Variants in MAF observed in about 807,000 individuals in gnomAD.
MAF encodes transcription factor Maf.
Under a neutral mutation model 22.0 loss-of-function variants are expected in MAF, and 10 were observed. That is an observed-to-expected ratio of 0.45 (90% CI 0.28 to 0.77). The LOEUF (loss-of-function observed/expected upper bound fraction) is 0.77, where lower values mean the gene tolerates loss of function less well. Ranked by LOEUF, MAF falls within the 30% of genes least tolerant of loss-of-function variation. The pLI, the probability that MAF is intolerant of heterozygous loss-of-function variation, is 0.12. For synonymous variants in MAF, 337 were observed against 255.8 expected (o/e 1.32, Z -3.03); for missense variants, 544 against 548.4 (o/e 0.99, Z 0.08).
the MAF span, among the ~76,000 whole-genome samples, chr16:79,297,072 G>A: frequency 9.9e-5 from 15 of 152,270 alleles, no homozygotes; most frequent in Admixed American, 6.5e-4. Context: ...TAATACAGTC[G>A]CTTCTTACTC....
At chr16:79,400,521 G>A in the MAF span, among the ~76,000 whole-genome samples, 2 of 152,190 alleles carry the variant, frequency 1.3e-5, no homozygotes, top group African/African-American at 4.8e-5. Context: ...ATACTTCTGG[G>A]GAGCTCTTTG....
chr16:79,419,020 C>A, the MAF span, among the ~76,000 whole-genome samples: 1 of 152,322 alleles, frequency 6.6e-6, no homozygotes, highest in East Asian at 1.9e-4. Flanking sequence ...TGCTATATCA[C>A]AGACATTTAT....
the MAF span, among the ~76,000 whole-genome samples, chr16:79,545,555 CG>C: frequency 6.6e-6 from 1 of 151,782 alleles, no homozygotes; most frequent in Non-Finnish European, 1.5e-5. Flanking sequence ...AATAGAAAAT[CG>C]TGGACATTAC....
the MAF span, among the ~76,000 whole-genome samples, chr16:79,503,193 C>G: frequency 6.6e-6 from 1 of 152,072 alleles, no homozygotes; most frequent in Non-Finnish European, 1.5e-5. Flanking sequence ...TTAAGTTTGT[C>G]CTTTGTTTCT....
chr16:79,359,517 C>G, the MAF span, among the ~76,000 whole-genome samples: 25 of 152,192 alleles, frequency 1.6e-4, no homozygotes, highest in Admixed American at 1.6e-3. Flanking sequence ...TGTGCTCTAT[C>G]AAGACATGCC....
At chr16:79,271,968 G>C in the MAF span, among the ~76,000 whole-genome samples, 1 of 152,322 alleles carries the variant, frequency 6.6e-6, no homozygotes, top group Admixed American at 6.5e-5. Flanking sequence ...GGATCCAAGA[G>C]GGATTTTTCT....
chr16:79,229,784 T>G, the MAF span, among the ~76,000 whole-genome samples: 16,051 of 152,006 alleles, frequency 0.11, 942 homozygotes, highest in Middle Eastern at 0.17. Flanking sequence ...CACTTCGAAG[T>G]GAAAGATGCG....
the MAF span, among the ~76,000 whole-genome samples, chr16:79,301,233 C>T: frequency 5.0e-4 from 76 of 152,184 alleles, no homozygotes; most frequent in Non-Finnish European, 8.8e-4. Flanking sequence ...CTGGGGAGGA[C>T]GGGACAGGGG....
the MAF span, among the ~76,000 whole-genome samples, chr16:79,236,959 A>AC: frequency 8.0e-5 from 12 of 149,774 alleles, no homozygotes; most frequent in African/African-American, 2.9e-4. Context: ...AAAAAAAAAA[A>AC]CTCAAATCCA....
chr16:79,554,852 T>C, the MAF span, among the ~76,000 whole-genome samples: 56,201 of 152,002 alleles, frequency 0.37, 10,673 homozygotes, highest in Admixed American at 0.45. Context: ...GGAAACTGAT[T>C]CTGCGTGATT....
the MAF span, among the ~76,000 whole-genome samples, chr16:79,214,020 C>G: frequency 8.4e-4 from 128 of 152,216 alleles, 1 homozygote; most frequent in Non-Finnish European, 1.7e-3. Flanking sequence ...ACTCCCAACT[C>G]AAGGGGTGCA....
At chr16:79,588,593 C>G (rs1719102715) in intron 1 of MAF, among the ~76,000 whole-genome samples, 1 of 151,998 alleles carries the variant, frequency 6.6e-6, no homozygotes. Flanking sequence ...TCCTGAGTAG[C>G]TGGGATTACA....
the MAF span, among the ~76,000 whole-genome samples, chr16:79,445,191 A>G: frequency 7.2e-6 from 1 of 138,502 alleles, no homozygotes; most frequent in East Asian, 2.2e-4. Flanking sequence ...CTGCCACCAT[A>G]CCCGTCTAAT....
chr16:79,452,964 G>C, the MAF span, among the ~76,000 whole-genome samples: 1 of 152,210 alleles, frequency 6.6e-6, no homozygotes, highest in African/African-American at 2.4e-5. Flanking sequence ...TTAAGCCTTT[G>C]CGATGTGGAG....
chr16:79,462,559 A>G, the MAF span, among the ~76,000 whole-genome samples: 1 of 152,164 alleles, frequency 6.6e-6, no homozygotes, highest in African/African-American at 2.4e-5. Flanking sequence ...ATATATGCAC[A>G]TATACATGTG....
the MAF span, among the ~76,000 whole-genome samples, chr16:79,478,143 C>G: frequency 1.3e-5 from 2 of 152,166 alleles, no homozygotes; most frequent in Non-Finnish European, 2.9e-5. Context: ...TAGTGAAACT[C>G]AAATGTCAAA....
chr16:79,378,395 T>C, the MAF span, among the ~76,000 whole-genome samples: 1 of 152,212 alleles, frequency 6.6e-6, no homozygotes, highest in Admixed American at 6.5e-5. Context: ...TATTCTATTA[T>C]TATAAAAATT....
the MAF span, among the ~76,000 whole-genome samples, chr16:79,533,765 C>T: frequency 6.6e-6 from 1 of 152,158 alleles, no homozygotes; most frequent in African/African-American, 2.4e-5. Context: ...TGTGCCACCT[C>T]CCAGCCGATT....
chr16:79,220,035 C>G, the MAF span, among the ~76,000 whole-genome samples: 2 of 152,000 alleles, frequency 1.3e-5, no homozygotes, highest in Non-Finnish European at 1.5e-5. Flanking sequence ...GTGGGCAGAT[C>G]ACCTGAGGTC....
Sources: allele counts gnomAD v4.1 joint callset (sites outside exome capture counted in the v4.1 genomes callset), GRCh38; gene constraint gnomAD v4.1.1; transcripts MANE v1.5; gene names NCBI Gene and HGNC (gene_info 2026-07-23, HGNC 2026-07-21).